Variants in GNAQ observed in about 807,000 individuals in gnomAD.
The protein encoded by GNAQ is G protein subunit alpha q.
GNAQ carries 8 observed loss-of-function variants against 43.9 expected under a neutral mutation model. That is an observed-to-expected ratio of 0.18 (90% CI 0.11 to 0.33). The LOEUF (loss-of-function observed/expected upper bound fraction) is 0.33. Among genes scored for constraint, GNAQ ranks in the 10% least tolerant of loss-of-function variants. The pLI is 1.00. For synonymous variants in GNAQ, 155 were observed against 170.7 expected (o/e 0.91, Z 0.71); for missense variants, 158 against 450.8 (o/e 0.35, Z 5.88).
intron 5 of GNAQ, among the ~76,000 whole-genome samples, chr9:77,761,985 G>C (rs1412797445): frequency 1.2e-4 from 16 of 138,030 alleles, no homozygotes; most frequent in Admixed American, 9.7e-4. Flanking sequence ...CGCCCCGTCC[G>C]GGAGGTGAGG....
chr9:77,979,784 G>C (rs1159718546), intron 1 of GNAQ, among the ~76,000 whole-genome samples: 1 of 152,182 alleles, frequency 6.6e-6, no homozygotes, highest in Non-Finnish European at 1.5e-5. Flanking sequence ...GGCTTACTTA[G>C]CATGTTCAGT....
At chr9:77,890,055 T>C (rs747010024) in intron 2 of GNAQ, among the ~76,000 whole-genome samples, 12 of 152,238 alleles carry the variant, frequency 7.9e-5, no homozygotes, top group South Asian at 2.1e-4. Context: ...ATCCTTCAAA[T>C]AGACATGGGT....
chr9:77,804,248 C>T (rs1826790015), intron 3 of GNAQ, among the ~76,000 whole-genome samples: 1 of 152,002 alleles, frequency 6.6e-6, no homozygotes, highest in Non-Finnish European at 1.5e-5. Context: ...GAAATCTAGA[C>T]CAAGAATAGC....
chr9:78,014,639 A>G (rs1237143207), intron 1 of GNAQ, among the ~76,000 whole-genome samples: 1 of 152,214 alleles, frequency 6.6e-6, no homozygotes, highest in Admixed American at 6.5e-5. Flanking sequence ...GAGGGTAGCT[A>G]AAACAAAGAA....
rs1237941131 is a variant in GNAQ, at chr9:77,720,187, T to G, written c.*1136A>C. On this transcript the variant is annotated 3_prime_UTR_variant, in exon 7 of 7. Transcript: ENST00000286548. ...TGAGAATCAAATTTCTAGTTACAAC[T>G]GTTTGGCAAATGGCATTTCTGGTTC... The G allele has an allele frequency of 8.6e-6, 2 of 233,296 alleles. No homozygotes were observed. The highest frequency in any genetic ancestry group is 1.7e-5 in the Non-Finnish European group (2 of 117,920). The allele number at this position is 233,296 out of a possible 1,614,324, so 14.5% of individuals were successfully genotyped here.
In GNAQ at chr9:77,821,722, T is replaced by TGGGG. The variant is rs139820738; in HGVS notation, c.322-5953_322-5952insCCCC. Among the ~76,000 whole-genome samples the TGGGG allele has an allele frequency of 2.9e-3, 416 of 143,796 alleles. 3 individuals are homozygous for TGGGG. The highest frequency in any genetic ancestry group is 7.5e-3 in the Admixed American group (107 of 14,178). The allele number at this position is 143,796 out of a possible 152,430, so 94.3% of individuals were successfully genotyped here. A position where few individuals can be genotyped will look rare whatever the true frequency, so the allele number is the denominator to read the frequency against. On this transcript the variant is annotated intron_variant, in intron 2 of 6. Coordinates refer to ENST00000286548, the MANE Select transcript of GNAQ (RefSeq NM_002072.5). ...ATTATGATGTTGTACTATCCTAGTA[T>TGGGG]GGGTGTGTGTGTGTGTGTGTGTGTG...
chr9:77,857,582 G>A (rs1827776716), intron 2 of GNAQ, among the ~76,000 whole-genome samples: 1 of 145,458 alleles, frequency 6.9e-6, no homozygotes, highest in South Asian at 2.2e-4. Context: ...AGGAAGGGTA[G>A]AAAAGAGAAG....
intron 2 of GNAQ, among the ~76,000 whole-genome samples, chr9:77,907,950 C>G (rs566111950): frequency 6.6e-6 from 1 of 152,234 alleles, no homozygotes; most frequent in East Asian, 1.9e-4. Context: ...GTCAAGTATA[C>G]GAGCTGCCTT....
intron 1 of GNAQ, among the ~76,000 whole-genome samples, chr9:77,968,746 G>A (rs1355923192): frequency 6.6e-6 from 1 of 152,218 alleles, no homozygotes; most frequent in Non-Finnish European, 1.5e-5. Context: ...GCAAGACAGT[G>A]CCGTTTGCCA....
At chr9:77,912,299 G>A (rs1400867224) in intron 2 of GNAQ, among the ~76,000 whole-genome samples, 1 of 152,104 alleles carries the variant, frequency 6.6e-6, no homozygotes, top group Non-Finnish European at 1.5e-5. Flanking sequence ...TATTGCTCTG[G>A]GTAAAGGATG....
intron 1 of GNAQ, among the ~76,000 whole-genome samples, chr9:77,999,531 G>A (rs1823618073): frequency 6.6e-6 from 1 of 152,148 alleles, no homozygotes; most frequent in South Asian, 2.1e-4. Context: ...ACATAATGCC[G>A]ATCTGCACAA....
intron 1 of GNAQ, among the ~76,000 whole-genome samples, chr9:77,972,877 C>T (rs953458001): frequency 3.3e-5 from 5 of 150,194 alleles, no homozygotes; most frequent in East Asian, 3.9e-4. Flanking sequence ...TGCTGGAACC[C>T]GGGTGGTGGA....
intron 1 of GNAQ, among the ~76,000 whole-genome samples, chr9:77,968,190 TA>T (rs1364572265): frequency 1.3e-5 from 2 of 152,196 alleles, no homozygotes; most frequent in Admixed American, 6.5e-5. Flanking sequence ...AATTTTATAT[TA>T]TGTAAATTAT....
At chr9:77,984,308 T>G (rs1201687556) in intron 1 of GNAQ, among the ~76,000 whole-genome samples, 1 of 151,836 alleles carries the variant, frequency 6.6e-6, no homozygotes. Context: ...TAGCTGAGAC[T>G]ACTGGCATGC....
chr9:77,762,122 T>TG (rs1242661904), intron 5 of GNAQ, among the ~76,000 whole-genome samples: 16 of 89,202 alleles, frequency 1.8e-4, no homozygotes, highest in South Asian at 3.8e-4. Context: ...GGGAGGGAGG[T>TG]GGGGGGTCAG....
chr9:77,920,712 A>T (rs763983344), intron 2 of GNAQ, among the ~76,000 whole-genome samples: 2 of 152,208 alleles, frequency 1.3e-5, no homozygotes, highest in African/African-American at 2.4e-5. Flanking sequence ...CCTTGAAAAT[A>T]AAAGCAGGAG....
intron 5 of GNAQ, among the ~76,000 whole-genome samples, chr9:77,736,863 A>G (rs2118245790): frequency 6.6e-6 from 1 of 152,284 alleles, no homozygotes. Flanking sequence ...GAACGGATTA[A>G]TATTTCCTAG....
At chr9:77,752,630 G>C (rs1203370946) in intron 5 of GNAQ, among the ~76,000 whole-genome samples, 5 of 152,142 alleles carry the variant, frequency 3.3e-5, no homozygotes, top group African/African-American at 4.8e-5. Flanking sequence ...TCATTCCAAG[G>C]CTCTTTTGTC....
At chr9:77,731,196 CAGGG>C (rs1348569067) in intron 5 of GNAQ, among the ~76,000 whole-genome samples, 1 of 152,030 alleles carries the variant, frequency 6.6e-6, no homozygotes, top group African/African-American at 2.4e-5. Context: ...TGTGCAGAGA[CAGGG>C]AGGGGAAGTG....
Sources: allele counts gnomAD v4.1 joint callset (sites outside exome capture counted in the v4.1 genomes callset), GRCh38; gene constraint gnomAD v4.1.1; transcripts MANE v1.5; gene names NCBI Gene and HGNC (gene_info 2026-07-23, HGNC 2026-07-21).